SPADH: variants seen among roughly 807,000 people sequenced by gnomAD.
SPADH encodes CUB domain-containing protein.
At chr10:122,676,117 C>G in the SPADH span, among the ~76,000 whole-genome samples, 2 of 152,224 alleles carry the variant, frequency 1.3e-5, no homozygotes, top group Non-Finnish European at 2.9e-5. Context: ...CGAGCTTCTC[C>G]GTGAGGATGC....
the SPADH span, among the ~76,000 whole-genome samples, chr10:122,675,350 T>C: frequency 6.6e-6 from 1 of 152,128 alleles, no homozygotes; most frequent in Admixed American, 6.5e-5. Flanking sequence ...GAACTTTAAT[T>C]GAGTGGAATG....
the SPADH span, chr10:122,675,739 T>C: frequency 1.7e-6 from 1 of 604,026 alleles, no homozygotes; most frequent in Non-Finnish European, 2.1e-6. Context: ...GGGGTTGAAA[T>C]CCAAATGGAT....
the SPADH span, chr10:122,672,969 GTTTTCC>G: frequency 3.1e-6 from 3 of 979,368 alleles, no homozygotes; most frequent in Non-Finnish European, 3.6e-6. Flanking sequence ...GCCTCGCACT[GTTTTCC>G]TTTTCAACTG....
the SPADH span, chr10:122,676,885 A>G: frequency 2.6e-5 from 26 of 985,296 alleles, no homozygotes; most frequent in Non-Finnish European, 3.0e-5. Flanking sequence ...GCCATTCCAG[A>G]CCTCAAGTGA....
At chr10:122,677,030 G>T in the SPADH span, 151 of 510,974 alleles carry the variant, frequency 3.0e-4, 3 homozygotes, top group East Asian at 0.02. Context: ...TTCACTTCCT[G>T]TTGAAAGCTT....
At chr10:122,678,077 G>A in the SPADH span, among the ~76,000 whole-genome samples, 1 of 152,180 alleles carries the variant, frequency 6.6e-6, no homozygotes, top group Non-Finnish European at 1.5e-5. Flanking sequence ...AGCAAAACTA[G>A]TATAAAGTCA....
At chr10:122,676,281 C>T in the SPADH span, among the ~76,000 whole-genome samples, 2 of 152,214 alleles carry the variant, frequency 1.3e-5, no homozygotes, top group African/African-American at 2.4e-5. Flanking sequence ...TTTTCATCCT[C>T]AGTCACACTT....
chr10:122,675,211 AT>A, the SPADH span, among the ~76,000 whole-genome samples: 4 of 152,162 alleles, frequency 2.6e-5, no homozygotes, highest in Admixed American at 6.5e-5. Flanking sequence ...GCTGACTTTT[AT>A]TTTTTCCCAG....
chr10:122,678,387 G>C, the SPADH span, among the ~76,000 whole-genome samples: 6 of 152,276 alleles, frequency 3.9e-5, no homozygotes, highest in African/African-American at 1.4e-4. Context: ...CCATCTGCCA[G>C]GGGAAAGGAA....
At chr10:122,678,883 G>C in the SPADH span, 3,087 of 984,688 alleles carry the variant, frequency 3.1e-3, 80 homozygotes, top group African/African-American at 0.051. Context: ...TGGAAGTGCT[G>C]GATGGACCTC....
At chr10:122,675,710 C>T in the SPADH span, 2 of 885,804 alleles carry the variant, frequency 2.3e-6, no homozygotes, top group South Asian at 5.2e-5. Flanking sequence ...TCCCTTGCCT[C>T]ACACAGAGAC....
the SPADH span, among the ~76,000 whole-genome samples, chr10:122,676,463 T>G: frequency 6.6e-6 from 1 of 152,222 alleles, no homozygotes; most frequent in Non-Finnish European, 1.5e-5. Flanking sequence ...TGTTCACTAA[T>G]CGGGCAATAC....
chr10:122,672,909 C>T, the SPADH span: 1 of 985,466 alleles, frequency 1.0e-6, no homozygotes, highest in South Asian at 4.7e-5. Flanking sequence ...CTTCGCTTGG[C>T]CGCTGCTGTG....
the SPADH span, chr10:122,675,747 G>A: frequency 5.7e-6 from 3 of 528,762 alleles, no homozygotes; most frequent in South Asian, 2.4e-4. Context: ...AATCCAAATG[G>A]ATCAATGAGA....
the SPADH span, among the ~76,000 whole-genome samples, chr10:122,674,653 C>T: frequency 2.0e-5 from 3 of 152,200 alleles, no homozygotes; most frequent in Admixed American, 2.0e-4. Context: ...GGTTGTGTAG[C>T]ATTATGAGGA....
the SPADH span, among the ~76,000 whole-genome samples, chr10:122,674,647 G>C: frequency 1.3e-5 from 2 of 152,210 alleles, no homozygotes; most frequent in East Asian, 3.9e-4. Flanking sequence ...AGAATAGGTT[G>C]TGTAGCATTA....
chr10:122,678,928 C>CT, the SPADH span: 1 of 984,542 alleles, frequency 1.0e-6, no homozygotes, highest in African/African-American at 1.7e-5. Context: ...TTTGTAAAGC[C>CT]TTCAGTACAT....
At chr10:122,674,751 T>C in the SPADH span, among the ~76,000 whole-genome samples, 1 of 152,250 alleles carries the variant, frequency 6.6e-6, no homozygotes, top group East Asian at 1.9e-4. Flanking sequence ...ATCAGGTGTA[T>C]GCCAGGCTAC....
At chr10:122,675,604 A>C in the SPADH span, 5 of 965,290 alleles carry the variant, frequency 5.2e-6, no homozygotes, top group Non-Finnish European at 6.2e-6. Context: ...GTAAGTTCAG[A>C]TTTTCATGGT....
Sources: gnomAD v4.1 joint callset for allele counts (sites outside exome capture counted in the v4.1 genomes callset) on GRCh38, gnomAD v4.1.1 for gene constraint, MANE v1.5 for transcripts, NCBI Gene and HGNC (gene_info 2026-07-23, HGNC 2026-07-21) for gene names.